SLC35F1: variants seen among roughly 807,000 people sequenced by gnomAD.
The protein encoded by SLC35F1 is chromosome 6 open reading frame 169.
SLC35F1 carries 14 observed loss-of-function variants against 48.7 expected under a neutral mutation model. The observed-to-expected ratio is 0.29, with a 90% CI of 0.19 to 0.45. The LOEUF (loss-of-function observed/expected upper bound fraction) is 0.45. Ranked by LOEUF, SLC35F1 falls within the 20% of genes least tolerant of loss-of-function variation. The pLI is 1.00. For synonymous variants in SLC35F1, 190 were observed against 202.2 expected (o/e 0.94, Z 0.51); for missense variants, 404 against 500.0 (o/e 0.81, Z 1.83).
Position 118,244,749 on chromosome 6 carries a change from GACTTGTGT to G in SLC35F1, c.477+9119_477+9126del, listed in dbSNP as rs369546508. Reference sequence around the variant, plus strand: ...AGTTTGTAAAAATCTTTGAAAGTGGGACTTGTGTACTTGGAACTTAATAAGCCCTGAAT... The same window carrying G: ...AGTTTGTAAAAATCTTTGAAAGTGGGACTTGGAACTTAATAAGCCCTGAAT... On this transcript the variant is annotated intron_variant, in intron 3 of 7. Transcript: ENST00000360388. Among the ~76,000 whole-genome samples the G allele has an allele frequency of 2.9e-3, 445 of 152,284 alleles. 4 individuals carry two copies. The highest frequency in any genetic ancestry group is 0.01 in the African/African-American group (416 of 41,552).
At chr6:118,273,431 C>G (rs1450688340) in intron 4 of SLC35F1, among the ~76,000 whole-genome samples, 1 of 152,170 alleles carries the variant, frequency 6.6e-6, no homozygotes, top group East Asian at 1.9e-4. Flanking sequence ...CCACACTTCA[C>G]TAGTACAACA....
At chr6:118,030,737 T>A (rs1772033390) in intron 1 of SLC35F1, among the ~76,000 whole-genome samples, 1 of 152,166 alleles carries the variant, frequency 6.6e-6, no homozygotes, top group African/African-American at 2.4e-5. Context: ...TTCTCTCAAA[T>A]GTAATTTATA....
chr6:118,181,431 A>G lies in SLC35F1; in HGVS notation c.349+26811A>G, dbSNP rs188751194. On this transcript the variant is annotated intron_variant, in intron 2 of 7. Coordinates refer to ENST00000360388, the MANE Select transcript of SLC35F1 (RefSeq NM_001029858.4). ...GTATTACATTTCTTAAGTAACCACTAAAAGAATAGAAATAGAACCCCTAAT... is the reference window on the plus strand; with the variant it reads ...GTATTACATTTCTTAAGTAACCACTGAAAGAATAGAAATAGAACCCCTAAT... Among the ~76,000 whole-genome samples, 736 of 152,206 alleles carry G rather than the reference A, an allele frequency of 4.8e-3. 4 individuals carry two copies. The highest frequency in any genetic ancestry group is 8.0e-3 in the Non-Finnish European group (547 of 67,986).
chr6:118,128,658 T>C (rs1695030420), intron 1 of SLC35F1, among the ~76,000 whole-genome samples: 1 of 151,460 alleles, frequency 6.6e-6, no homozygotes, highest in Non-Finnish European at 1.5e-5. Flanking sequence ...CCAGGGACTG[T>C]TGTGGGGTGG....
At chr6:118,216,809 A>C (rs535242805) in intron 2 of SLC35F1, among the ~76,000 whole-genome samples, 2 of 152,242 alleles carry the variant, frequency 1.3e-5, no homozygotes, top group Admixed American at 6.5e-5. Flanking sequence ...TATCACATGG[A>C]TATATTACAG....
intron 1 of SLC35F1, among the ~76,000 whole-genome samples, chr6:118,016,854 A>T (rs1214620100): frequency 6.6e-6 from 1 of 152,226 alleles, no homozygotes; most frequent in African/African-American, 2.4e-5. Context: ...AAAAGGCTCC[A>T]AGCCATCCTG....
chr6:118,037,670 C>T (rs1772153716), intron 1 of SLC35F1, among the ~76,000 whole-genome samples: 2 of 152,084 alleles, frequency 1.3e-5, no homozygotes, highest in Non-Finnish European at 2.9e-5. Context: ...ACGTATACAC[C>T]ATGGAATACT....
At chr6:118,238,510 C>T (rs1775396102) in intron 3 of SLC35F1, among the ~76,000 whole-genome samples, 1 of 151,886 alleles carries the variant, frequency 6.6e-6, no homozygotes, top group Admixed American at 6.6e-5. Context: ...GGATGATCTT[C>T]AGGATAGTTG....
chr6:118,288,390 A>G (rs536811067), intron 7 of SLC35F1, among the ~76,000 whole-genome samples: 2 of 152,318 alleles, frequency 1.3e-5, no homozygotes, highest in African/African-American at 2.4e-5. Flanking sequence ...ACATCAATCA[A>G]TATATGTAAG....
At chr6:118,307,796 C>T (rs529720781) in intron 7 of SLC35F1, among the ~76,000 whole-genome samples, 28 of 152,278 alleles carry the variant, frequency 1.8e-4, no homozygotes, top group Admixed American at 1.1e-3. Flanking sequence ...CAGAGCTTTT[C>T]GTCCCAGGGT....
intron 1 of SLC35F1, among the ~76,000 whole-genome samples, chr6:118,048,572 GACAA>G (rs1163782907): frequency 3.3e-5 from 5 of 152,092 alleles, no homozygotes. Flanking sequence ...ACCAATAACA[GACAA>G]ACAGAGAGCC....
At chr6:118,022,050 A>G (rs1384823918) in intron 1 of SLC35F1, among the ~76,000 whole-genome samples, 2 of 152,168 alleles carry the variant, frequency 1.3e-5, no homozygotes, top group African/African-American at 4.8e-5. Context: ...CCAGGGGGAA[A>G]AGAAACAGAG....
At chr6:118,143,347 G>GA (rs1444246419) in intron 1 of SLC35F1, among the ~76,000 whole-genome samples, 1 of 151,976 alleles carries the variant, frequency 6.6e-6, no homozygotes, top group Non-Finnish European at 1.5e-5. Context: ...AATGTATAAA[G>GA]AAAAAAACAG....
At position 117,974,511 on chromosome 6, in the gene SLC35F1, G is replaced by C. The variant is rs1042855127; in HGVS notation, c.173+66612G>C. 3.3e-5 allele frequency among the ~76,000 whole-genome samples: 5 copies of C among 152,154 alleles called. No individual in the cohort carries two copies. The East Asian group carries it at 5.8e-4, about 18-fold the overall frequency. On this transcript the variant is annotated intron_variant, in intron 1 of 7. Coordinates refer to ENST00000360388, the MANE Select transcript of SLC35F1 (RefSeq NM_001029858.4). ...AGGTTGCTTTGATTCTGAAAATCTGGAAAGATTTTTTGGAGTGTCTGAGCT... is the reference window on the plus strand; with the variant it reads ...AGGTTGCTTTGATTCTGAAAATCTGCAAAGATTTTTTGGAGTGTCTGAGCT...
intron 7 of SLC35F1, among the ~76,000 whole-genome samples, chr6:118,290,711 T>G (rs548455843): frequency 6.6e-6 from 1 of 152,160 alleles, no homozygotes; most frequent in South Asian, 2.1e-4. Flanking sequence ...GGTCTTCAGG[T>G]GGAGAGCCAG....
intron 1 of SLC35F1, among the ~76,000 whole-genome samples, chr6:117,990,822 G>C (rs1360528379): frequency 6.6e-6 from 1 of 152,086 alleles, no homozygotes; most frequent in Non-Finnish European, 1.5e-5. Context: ...ACTCAGCTGG[G>C]GTGGCTGGTT....
intron 1 of SLC35F1, among the ~76,000 whole-genome samples, chr6:118,058,754 T>C (rs1236800201): frequency 1.3e-5 from 2 of 152,234 alleles, no homozygotes; most frequent in African/African-American, 4.8e-5. Context: ...TAAAATAGAA[T>C]GTGATTCTTT....
intron 2 of SLC35F1, among the ~76,000 whole-genome samples, chr6:118,198,074 T>A (rs538698457): frequency 6.6e-6 from 1 of 152,316 alleles, no homozygotes; most frequent in South Asian, 2.1e-4. Flanking sequence ...ACTTGTGGAC[T>A]CTCAGTACTA....
In SLC35F1 at chr6:118,049,847, C is replaced by T. The variant is rs535570527; in HGVS notation, c.174-104598C>T. ...CTAGAACTAGAAATACCATTTGACC[C>T]AGCCATCCCATTACTGGGTATATAC... On this transcript the variant is annotated intron_variant, in intron 1 of 7. Transcript: ENST00000360388. Among the ~76,000 whole-genome samples the T allele has an allele frequency of 2.0e-5, 3 of 151,936 alleles. No homozygotes were observed. The South Asian group carries it at 6.2e-4, about 32-fold the overall frequency.
Sources: gnomAD v4.1 joint callset for allele counts (sites outside exome capture counted in the v4.1 genomes callset) on GRCh38, gnomAD v4.1.1 for gene constraint, MANE v1.5 for transcripts, NCBI Gene and HGNC (gene_info 2026-07-23, HGNC 2026-07-21) for gene names.